Variants in XKR4 observed in about 807,000 individuals in gnomAD.
The protein encoded by XKR4 is XK related 4.
In XKR4, 12 loss-of-function variants were observed where a neutral mutation model predicts 53.9. The ratio of observed to expected loss-of-function variants is 0.22; its 90% CI spans 0.14 to 0.36. The LOEUF is 0.36. Ranked by LOEUF, XKR4 falls within the 10% of genes least tolerant of loss-of-function variation. The pLI, the probability that XKR4 is intolerant of heterozygous loss-of-function variation, is 1.00. For synonymous variants in XKR4, 354 were observed against 362.4 expected, an observed-to-expected ratio of 0.98 and a Z score of 0.26; for missense variants, 799 against 859.5, an observed-to-expected ratio of 0.93 and a Z score of 0.88.
chr8:55,396,397 TGG>T (rs1804518559), intron 2 of XKR4, among the ~76,000 whole-genome samples: 1 of 90,400 alleles, frequency 1.1e-5, no homozygotes, highest in Non-Finnish European at 2.0e-5. Flanking sequence ...TTTTTTTGTT[TGG>T]TTTTTTTTTT....
chr8:55,139,494 C>G (rs1816673245), intron 1 of XKR4, among the ~76,000 whole-genome samples: 1 of 129,668 alleles, frequency 7.7e-6, no homozygotes, highest in Admixed American at 8.6e-5. Flanking sequence ...GGCTGGGTGA[C>G]AGAGCAAGAC....
At chr8:55,388,521 G>T (rs567958652) in intron 2 of XKR4, among the ~76,000 whole-genome samples, 1 of 152,314 alleles carries the variant, frequency 6.6e-6, no homozygotes, top group South Asian at 2.1e-4. Context: ...GGTGAGGCTG[G>T]TTCCTCATTC....
At chr8:55,460,701 C>T (rs1036197680) in intron 2 of XKR4, among the ~76,000 whole-genome samples, 1 of 152,288 alleles carries the variant, frequency 6.6e-6, no homozygotes, top group African/African-American at 2.4e-5. Flanking sequence ...ACCCGGGAAG[C>T]ACAAGGGGTC....
chr8:55,181,401 C>T (rs1817308465), intron 1 of XKR4, among the ~76,000 whole-genome samples: 1 of 152,278 alleles, frequency 6.6e-6, no homozygotes, highest in Non-Finnish European at 1.5e-5. Flanking sequence ...TTTTACACTC[C>T]TCCCTTCTCT....
At chr8:55,220,901 A>G (rs1313470435) in intron 1 of XKR4, among the ~76,000 whole-genome samples, 26 of 152,240 alleles carry the variant, frequency 1.7e-4, no homozygotes, top group Admixed American at 1.7e-3. Flanking sequence ...AGTACTTAAT[A>G]CAGTGACTTG....
intron 1 of XKR4, among the ~76,000 whole-genome samples, chr8:55,140,575 G>A (rs1585899935): frequency 6.6e-6 from 1 of 152,226 alleles, no homozygotes; most frequent in Non-Finnish European, 1.5e-5. Context: ...GCTAGAAAAT[G>A]CATTGCTCTG....
At chr8:55,256,163 G>A (rs1349791103) in intron 1 of XKR4, among the ~76,000 whole-genome samples, 2 of 152,010 alleles carry the variant, frequency 1.3e-5, no homozygotes, top group Non-Finnish European at 2.9e-5. Flanking sequence ...AAAATTAGGT[G>A]GAGACTTCAT....
chr8:55,106,456 A>G (rs1816148322), intron 1 of XKR4, among the ~76,000 whole-genome samples: 1 of 152,168 alleles, frequency 6.6e-6, no homozygotes, highest in Non-Finnish European at 1.5e-5. Flanking sequence ...ACCATGTGAA[A>G]AGAGCAATTA....
chr8:55,208,618 C>G (rs1022786758), intron 1 of XKR4, among the ~76,000 whole-genome samples: 2 of 152,070 alleles, frequency 1.3e-5, no homozygotes, highest in African/African-American at 4.8e-5. Flanking sequence ...AGGCGCCCAC[C>G]ACCACACCCA....
At chr8:55,445,209 C>A (rs1805326948) in intron 2 of XKR4, among the ~76,000 whole-genome samples, 1 of 152,088 alleles carries the variant, frequency 6.6e-6, no homozygotes, top group Non-Finnish European at 1.5e-5. Context: ...AGGTGCCCAC[C>A]ACCACACCTG....
intron 1 of XKR4, among the ~76,000 whole-genome samples, chr8:55,184,531 G>A (rs1817352103): frequency 6.6e-6 from 1 of 152,156 alleles, no homozygotes; most frequent in Admixed American, 6.5e-5. Flanking sequence ...ACCAAGCCTT[G>A]ACTTTTCACA....
At position 55,218,512 on chromosome 8, in the gene XKR4, C is replaced by A. The variant is rs534688217; in HGVS notation, c.806+115218C>A. ...TGATAAAAATAAACAAAAATTACCA[C>A]CAGAATTAAATTTAAAGGTTAAAAA... On this transcript the variant is annotated intron_variant, in intron 1 of 2. Coordinates refer to ENST00000327381, the MANE Select transcript of XKR4 (RefSeq NM_052898.2). 1.1e-4 allele frequency among the ~76,000 whole-genome samples: 16 copies of A among 152,292 alleles called. No homozygotes were observed. In the East Asian group the frequency reaches 2.9e-3, roughly 28 times the overall value.
intron 1 of XKR4, among the ~76,000 whole-genome samples, chr8:55,286,725 T>G (rs1818912450): frequency 6.6e-6 from 1 of 152,250 alleles, no homozygotes; most frequent in Non-Finnish European, 1.5e-5. Flanking sequence ...TTCCTCTTTT[T>G]ATGGGATCTC....
chr8:55,512,064 A>C (rs932223699), intron 2 of XKR4, among the ~76,000 whole-genome samples: 2 of 152,134 alleles, frequency 1.3e-5, no homozygotes, highest in Non-Finnish European at 2.9e-5. Context: ...GGTGTCACTG[A>C]TTCTCACTCA....
At position 55,157,861 on chromosome 8, in the gene XKR4, C is replaced by CT. The variant is rs368561399; in HGVS notation, c.806+54573dup. 3.5e-3 allele frequency among the ~76,000 whole-genome samples: 537 copies of CT among 151,640 alleles called. 8 individuals are homozygous for CT. Among genetic ancestry groups the CT allele is most frequent in the African/African-American group, 0.013 (516 of 41,170 alleles). ...GCTGCAAAGGACATGATCTCTCTCT[C>CT]TTTTTTATGGCTGTGTAGTATTCCA... is the stretch of plus-strand genomic sequence containing the variant. On this transcript the variant is annotated intron_variant, in intron 1 of 2. Transcript: ENST00000327381.
At chr8:55,287,138 G>A (rs1818918249) in intron 1 of XKR4, among the ~76,000 whole-genome samples, 1 of 128,142 alleles carries the variant, frequency 7.8e-6, no homozygotes, top group Non-Finnish European at 1.6e-5. Context: ...GGGTGGGGGG[G>A]GGGAACCTTC....
intron 1 of XKR4, among the ~76,000 whole-genome samples, chr8:55,223,594 G>A (rs1817913405): frequency 6.6e-6 from 1 of 152,172 alleles, no homozygotes; most frequent in Non-Finnish European, 1.5e-5. Context: ...TTTCTAGAAA[G>A]TAGTTGAAAT....
intron 2 of XKR4, among the ~76,000 whole-genome samples, chr8:55,406,225 T>C (rs1373980990): frequency 2.0e-5 from 3 of 152,230 alleles, no homozygotes; most frequent in African/African-American, 7.2e-5. Flanking sequence ...GGTTGATCTA[T>C]ATGGTGCAGT....
chr8:55,456,206 C>A (rs759498331), intron 2 of XKR4, among the ~76,000 whole-genome samples: 1 of 152,212 alleles, frequency 6.6e-6, no homozygotes, highest in East Asian at 1.9e-4. Flanking sequence ...CCAAGGCGGG[C>A]GGATCACCTG....
Sources: gnomAD v4.1 joint callset for allele counts (sites outside exome capture counted in the v4.1 genomes callset) on GRCh38, gnomAD v4.1.1 for gene constraint, MANE v1.5 for transcripts, NCBI Gene and HGNC (gene_info 2026-07-23, HGNC 2026-07-21) for gene names.